APBA1: variants seen among roughly 807,000 people sequenced by gnomAD.
The protein encoded by APBA1 is amyloid-beta A4 precursor protein-binding family A member 1.
A neutral mutation model predicts 86.6 loss-of-function variants in APBA1; 55 were observed. That is an observed-to-expected ratio of 0.64 (90% CI 0.51 to 0.80). The LOEUF is 0.80. Ranked by LOEUF, APBA1 falls within the 30% of genes least tolerant of loss-of-function variation. The pLI, the probability that APBA1 is intolerant of heterozygous loss-of-function variation, is 0.00. For missense variants in APBA1, 1,090 were observed against 1,183.0 expected (o/e 0.92, Z 1.15); for synonymous variants, 511 against 493.9 (o/e 1.03, Z -0.46).
At chr9:69,449,531 T>C (rs1834965542) in intron 10 of APBA1, 53 bp downstream of exon 10, 1 of 1,504,168 alleles carries the variant, frequency 6.6e-7, no homozygotes, top group Non-Finnish European at 9.2e-7. Flanking sequence ...GGGGTCACAC[T>C]TCACATCACT....
Position 69,441,022 on chromosome 9 carries a change from G to A in APBA1, c.2275C>T (p.Leu759Phe). 1.2e-6 allele frequency: 2 copies of A among 1,614,070 alleles called. No homozygotes were observed. Residue 759 changes from leucine to phenylalanine, a missense_variant, in exon 11 of 13, where the codon CTC becomes TTC. Around this residue, in one of 6 missense-constraint regions of APBA1, gnomAD observed 119 missense variants for 124.8 expected, o/e 0.95. Coordinates refer to ENST00000265381, the MANE Select transcript of APBA1 (RefSeq NM_001163.4). ...ATTCCATTCTGGACGCTGAAACCGA[G>A]CTGGTAGCGAAGGTCTGGTCTTCTG... Reference protein sequence around the residue: ...LIRRPDLRYQLGFSVQNGIIC... With the variant: ...LIRRPDLRYQFGFSVQNGIIC...
Position 69,564,217 on chromosome 9 carries a change from A to G in APBA1, c.-69-46938T>C, listed in dbSNP as rs116280387. Among the ~76,000 whole-genome samples, 507 of 152,306 alleles carry G rather than the reference A, an allele frequency of 3.3e-3. 3 individuals carry two copies. Among genetic ancestry groups the G allele is most frequent in the African/African-American group, 0.011 (474 of 41,550 alleles). ...GAAGAGCCCTGGAAGAGCAGGGGCA[A>G]TTTAATCTCTGCAGCAATGCTTTGA... is the stretch of plus-strand genomic sequence containing the variant. On this transcript the variant is annotated intron_variant, in intron 1 of 12. Coordinates refer to ENST00000265381, the MANE Select transcript of APBA1 (RefSeq NM_001163.4).
intron 2 of APBA1, among the ~76,000 whole-genome samples, chr9:69,505,012 G>A (rs964161521): frequency 6.6e-6 from 1 of 151,930 alleles, no homozygotes; most frequent in Admixed American, 6.6e-5. Flanking sequence ...GCCTTTGTTG[G>A]GGGGCGTCTA....
intron 11 of APBA1, among the ~76,000 whole-genome samples, chr9:69,435,061 T>C (rs1390276837): frequency 6.6e-6 from 1 of 151,366 alleles, no homozygotes; most frequent in African/African-American, 2.4e-5. Context: ...TTTTTGTCCT[T>C]GCCATAGTTT....
chr9:69,638,911 A>G (rs1823231968), intron 1 of APBA1, among the ~76,000 whole-genome samples: 1 of 152,216 alleles, frequency 6.6e-6, no homozygotes, highest in Non-Finnish European at 1.5e-5. Flanking sequence ...TAAAAATTAA[A>G]AAATATAAAT....
intron 1 of APBA1, among the ~76,000 whole-genome samples, chr9:69,539,629 T>A (rs1290196400): frequency 6.6e-6 from 1 of 152,172 alleles, no homozygotes; most frequent in Non-Finnish European, 1.5e-5. Flanking sequence ...TGATTTCTCA[T>A]CTCACTCTCC....
Position 69,429,870 on chromosome 9 carries a change from C to G in APBA1, c.*1457G>C, listed in dbSNP as rs562576830. 1 of 151,950 alleles carries G rather than the reference C, an allele frequency of 6.6e-6. No individual in the cohort carries two copies. The highest frequency in any genetic ancestry group is 1.5e-5 in the Non-Finnish European group (1 of 67,980). The allele number at this position is 151,950 out of a possible 1,614,324, so 9.4% of individuals were successfully genotyped here. On this transcript the variant is annotated 3_prime_UTR_variant, in exon 13 of 13. Transcript: ENST00000265381. ...GTCTCTACTGAGGTCATGAATGAAA[C>G]AAAACAAAAGCAAAGCCAAATCACA...
chr9:69,667,826 C>T (rs554365757), intron 1 of APBA1, among the ~76,000 whole-genome samples: 6 of 152,002 alleles, frequency 3.9e-5, no homozygotes, highest in East Asian at 3.9e-4. Context: ...CCTTCCCCCA[C>T]GCCTCCCTTC....
chr9:69,504,565 G>A (rs898749505), intron 2 of APBA1, among the ~76,000 whole-genome samples: 1 of 152,024 alleles, frequency 6.6e-6, no homozygotes, highest in African/African-American at 2.4e-5. Flanking sequence ...CAGGTGGAAA[G>A]CCAGGTGGTA....
chr9:69,464,418 C>T (rs1835243054), intron 5 of APBA1: 1 of 152,168 alleles, frequency 6.6e-6, no homozygotes, highest in Non-Finnish European at 1.5e-5. Context: ...TAATGAATTC[C>T]TCACGCCAGA....
intron 1 of APBA1, among the ~76,000 whole-genome samples, chr9:69,636,007 C>T (rs570281053): frequency 9.2e-5 from 14 of 152,216 alleles, no homozygotes; most frequent in Admixed American, 2.0e-4. Flanking sequence ...TTGCAAACTA[C>T]CCATATGATG....
At chr9:69,452,983 A>T (rs763116891) in intron 8 of APBA1, among the ~76,000 whole-genome samples, 8 of 152,228 alleles carry the variant, frequency 5.3e-5, no homozygotes, top group Non-Finnish European at 7.3e-5. Flanking sequence ...TCAACTGGAA[A>T]GTTTATGATA....
At chr9:69,564,756 A>G (rs889408320) in intron 1 of APBA1, among the ~76,000 whole-genome samples, 6 of 152,178 alleles carry the variant, frequency 3.9e-5, no homozygotes, top group East Asian at 1.9e-4. Flanking sequence ...CACTTGGAAG[A>G]CTGTATGGCT....
At chr9:69,558,583 C>G (rs898434909) in intron 1 of APBA1, among the ~76,000 whole-genome samples, 2 of 148,314 alleles carry the variant, frequency 1.3e-5, no homozygotes, top group Non-Finnish European at 3.0e-5. Context: ...TATATATATA[C>G]ACATTATATG....
At chr9:69,661,548 C>G (rs1823752295) in intron 1 of APBA1, among the ~76,000 whole-genome samples, 1 of 152,138 alleles carries the variant, frequency 6.6e-6, no homozygotes, top group Non-Finnish European at 1.5e-5. Flanking sequence ...CTTGCCACCC[C>G]ACAGGGCCAA....
At chr9:69,619,529 T>C (rs1465874916) in intron 1 of APBA1, among the ~76,000 whole-genome samples, 1 of 152,176 alleles carries the variant, frequency 6.6e-6, no homozygotes, top group African/African-American at 2.4e-5. Context: ...ACTCAAAGTA[T>C]GCAGATGGGC....
chr9:69,430,981 A>C lies in APBA1; in HGVS notation c.*346T>G, dbSNP rs966803954. 1 of 230,250 alleles carries C rather than the reference A, an allele frequency of 4.3e-6. No homozygotes were observed. The highest frequency in any genetic ancestry group is 8.4e-6 in the Non-Finnish European group (1 of 118,896). The allele number at this position is 230,250 out of a possible 1,614,324, so 14.3% of individuals were successfully genotyped here. A position where few individuals can be genotyped will look rare whatever the true frequency, so the allele number is the denominator to read the frequency against. On this transcript the variant is annotated 3_prime_UTR_variant, in exon 13 of 13. Transcript: ENST00000265381. Reference sequence around the variant, plus strand: ...GCTGCCCCGCGAGCTCCTTTTAAGAAGTCTGCACCTCCTGGGAAGGGAGGA... The same window carrying C: ...GCTGCCCCGCGAGCTCCTTTTAAGACGTCTGCACCTCCTGGGAAGGGAGGA...
At chr9:69,500,916 C>T (rs1334646844) in intron 2 of APBA1, among the ~76,000 whole-genome samples, 1 of 152,122 alleles carries the variant, frequency 6.6e-6, no homozygotes, top group East Asian at 1.9e-4. Context: ...TAAAGATGAT[C>T]ACATTTATAG....
At chr9:69,487,275 A>G (rs2133854327) in intron 2 of APBA1, among the ~76,000 whole-genome samples, 1 of 152,186 alleles carries the variant, frequency 6.6e-6, no homozygotes, top group African/African-American at 2.4e-5. Context: ...TTCATTCAAT[A>G]CTGAAATGCT....
Sources: allele counts gnomAD v4.1 joint callset (sites outside exome capture counted in the v4.1 genomes callset), GRCh38; gene constraint gnomAD v4.1.1; regional missense constraint gnomAD v4.1.1; transcripts MANE v1.5; gene names NCBI Gene and HGNC (gene_info 2026-07-23, HGNC 2026-07-21).